Variants in SUGCT observed in about 807,000 individuals in gnomAD.
The protein encoded by SUGCT is succinyl-CoA:glutarate-CoA transferase.
Under a neutral mutation model 55.0 loss-of-function variants are expected in SUGCT, and 41 were observed. The ratio of observed to expected loss-of-function variants is 0.74; its 90% CI spans 0.58 to 0.97. The LOEUF (loss-of-function observed/expected upper bound fraction) is 0.97. Among genes scored for constraint, SUGCT ranks in the 50% least tolerant of loss-of-function variants. SUGCT has a pLI of 0.00. For synonymous variants in SUGCT, 187 were observed against 200.4 expected (o/e 0.93, Z 0.56); for missense variants, 568 against 547.8 (o/e 1.04, Z -0.37).
At chr7:40,337,558 C>T (rs541869812) in intron 9 of SUGCT, among the ~76,000 whole-genome samples, 1 of 152,252 alleles carries the variant, frequency 6.6e-6, no homozygotes, top group Non-Finnish European at 1.5e-5. Flanking sequence ...TTATCAGAGA[C>T]TAGGATTGCA....
intron 12 of SUGCT, among the ~76,000 whole-genome samples, chr7:40,511,938 A>T (rs917438363): frequency 6.6e-6 from 1 of 152,186 alleles, no homozygotes; most frequent in Non-Finnish European, 1.5e-5. Flanking sequence ...CCACTAAGAC[A>T]GCTACACACT....
At chr7:40,165,037 C>T (rs1332498834) in intron 1 of SUGCT, among the ~76,000 whole-genome samples, 1 of 152,158 alleles carries the variant, frequency 6.6e-6, no homozygotes, top group Non-Finnish European at 1.5e-5. Context: ...GGAAAGGAAA[C>T]ATCATGCTAA....
At chr7:41,002,960 T>G in the SUGCT span, among the ~76,000 whole-genome samples, 6 of 152,042 alleles carry the variant, frequency 3.9e-5, no homozygotes, top group Non-Finnish European at 7.4e-5. Flanking sequence ...GCCCTGCCCA[T>G]AGGAGGCATT....
At chr7:40,502,732 C>T (rs868002252) in intron 12 of SUGCT, among the ~76,000 whole-genome samples, 6 of 152,100 alleles carry the variant, frequency 3.9e-5, no homozygotes, top group Non-Finnish European at 5.9e-5. Context: ...GCAATGTTGG[C>T]GGGATCAAGC....
At position 40,860,578 on chromosome 7, in the gene SUGCT, A is replaced by G. The variant is rs1794455948; in HGVS notation, c.*99A>G. ...CTCCCCAGTTCTGATACCACTAAAA[A>G]GAAGATTTAGAGTAACTCCAGATTT... On this transcript the variant is annotated 3_prime_UTR_variant, in exon 14 of 14. Coordinates refer to ENST00000335693, the MANE Select transcript of SUGCT (RefSeq NM_001193313.2). 7 of 1,253,762 alleles carry G rather than the reference A, an allele frequency of 5.6e-6. No individual in the cohort carries two copies. In the Admixed American group the frequency reaches 1.4e-4, roughly 26 times the overall value. The allele number at this position is 1,253,762 out of a possible 1,614,324, so 77.7% of individuals were successfully genotyped here.
chr7:40,625,234 A>G (rs987180094), intron 12 of SUGCT, among the ~76,000 whole-genome samples: 2 of 152,134 alleles, frequency 1.3e-5, no homozygotes, highest in Admixed American at 1.3e-4. Context: ...ATGCTGACCT[A>G]GACGTGGAAC....
the SUGCT span, among the ~76,000 whole-genome samples, chr7:40,979,019 G>A: frequency 6.6e-6 from 1 of 152,244 alleles, no homozygotes; most frequent in South Asian, 2.1e-4. Context: ...GCCTCATAAT[G>A]TACCTTCCTG....
At chr7:40,274,823 TG>T (rs1387090234) in intron 8 of SUGCT, among the ~76,000 whole-genome samples, 167 bp downstream of exon 8, 4 of 152,208 alleles carry the variant, frequency 2.6e-5, no homozygotes, top group African/African-American at 9.6e-5. Flanking sequence ...TTTTTTGAGA[TG>T]GAATTTTGCT....
intron 1 of SUGCT, among the ~76,000 whole-genome samples, chr7:40,147,333 A>T (rs1273966694): frequency 6.6e-6 from 1 of 151,818 alleles, no homozygotes. Flanking sequence ...CATCATGGGG[A>T]TTTCTCACCT....
the SUGCT span, among the ~76,000 whole-genome samples, chr7:40,996,298 G>A: frequency 6.6e-6 from 1 of 152,106 alleles, no homozygotes. Flanking sequence ...GCATCTGGAG[G>A]CTCAGAGAAG....
intron 7 of SUGCT, among the ~76,000 whole-genome samples, chr7:40,260,977 CTT>C (rs909295999): frequency 6.6e-6 from 1 of 151,644 alleles, no homozygotes; most frequent in Admixed American, 6.6e-5. Flanking sequence ...CCCACCCCCA[CTT>C]TTTTTTTCTA....
At chr7:40,896,125 C>T in the SUGCT span, among the ~76,000 whole-genome samples, 3 of 151,716 alleles carry the variant, frequency 2.0e-5, no homozygotes, top group Admixed American at 2.0e-4. Flanking sequence ...CTGATTCAAA[C>T]AAATAAACAA....
intron 9 of SUGCT, among the ~76,000 whole-genome samples, chr7:40,447,064 T>G (rs980611259): frequency 6.6e-6 from 1 of 152,220 alleles, no homozygotes; most frequent in Non-Finnish European, 1.5e-5. Context: ...AACATTTTCA[T>G]TACCCTGACA....
At chr7:40,462,200 G>A (rs1463702962) in intron 11 of SUGCT, among the ~76,000 whole-genome samples, 1 of 152,172 alleles carries the variant, frequency 6.6e-6, no homozygotes, top group Non-Finnish European at 1.5e-5. Flanking sequence ...CTGTGAAAGT[G>A]ACATTTGATC....
intron 13 of SUGCT, among the ~76,000 whole-genome samples, chr7:40,830,714 T>A (rs906771754): frequency 7.9e-5 from 12 of 152,190 alleles, no homozygotes; most frequent in African/African-American, 2.7e-4. Context: ...GAATGATAAT[T>A]ATTGACCAGC....
intron 8 of SUGCT, among the ~76,000 whole-genome samples, chr7:40,294,084 A>T (rs1442772096): frequency 6.6e-6 from 1 of 152,006 alleles, no homozygotes; most frequent in Non-Finnish European, 1.5e-5. Flanking sequence ...AGTAGCTGGG[A>T]TTACAGGCAC....
intron 13 of SUGCT, among the ~76,000 whole-genome samples, chr7:40,780,498 GAGA>G (rs979097422): frequency 1.3e-5 from 2 of 152,132 alleles, no homozygotes; most frequent in African/African-American, 4.8e-5. Flanking sequence ...TCTGTCCTCT[GAGA>G]AGAAGGAAGA....
At chr7:40,791,238 T>C (rs12701835) in intron 13 of SUGCT, among the ~76,000 whole-genome samples, 47,609 of 152,116 alleles carry the variant, frequency 0.31, 7,912 homozygotes, top group South Asian at 0.44. Flanking sequence ...TTAAAATTAG[T>C]GTAACACAAA....
At chr7:40,224,274 A>T (rs1159216592) in intron 6 of SUGCT, among the ~76,000 whole-genome samples, 1 of 152,166 alleles carries the variant, frequency 6.6e-6, no homozygotes, top group Non-Finnish European at 1.5e-5. Context: ...TTCCATGAAA[A>T]TATATTTAAA....
Sources: allele counts gnomAD v4.1 joint callset (sites outside exome capture counted in the v4.1 genomes callset), GRCh38; gene constraint gnomAD v4.1.1; transcripts MANE v1.5; gene names NCBI Gene and HGNC (gene_info 2026-07-23, HGNC 2026-07-21).